ARAP2: variants seen among roughly 807,000 people sequenced by gnomAD.
ARAP2 encodes the protein ArfGAP with RhoGAP domain, ankyrin repeat and PH domain 2.
ARAP2 carries 148 observed loss-of-function variants against 194.5 expected under a neutral mutation model. The ratio of observed to expected loss-of-function variants is 0.76; its 90% CI spans 0.67 to 0.87. The LOEUF (loss-of-function observed/expected upper bound fraction) is 0.87, where lower values mean the gene tolerates loss of function less well. Among genes scored for constraint, ARAP2 ranks in the 40% least tolerant of loss-of-function variants. The pLI is 0.00. For synonymous variants in ARAP2, 695 were observed against 683.5 expected, an observed-to-expected ratio of 1.02 and a Z score of -0.26; for missense variants, 2,128 against 1,989.7, an observed-to-expected ratio of 1.07 and a Z score of -1.32.
Position 36,066,568 on chromosome 4 carries a change from G to A in ARAP2, c.*1339C>T, listed in dbSNP as rs1281995388. ...ATAGATTGAAAAATAAAAAAGAAATGCTAAAAAAAAAAAACTTAGCTACAT... is the reference window on the plus strand; with the variant it reads ...ATAGATTGAAAAATAAAAAAGAAATACTAAAAAAAAAAAACTTAGCTACAT... On this transcript the variant is annotated 3_prime_UTR_variant, in exon 33 of 33. Transcript: ENST00000303965. The A allele has an allele frequency of 2.0e-5, 3 of 149,784 alleles. No individual in the cohort carries two copies. Among genetic ancestry groups the A allele is most frequent in the Non-Finnish European group, 4.4e-5 (3 of 67,548 alleles). 9.3% of individuals were successfully genotyped at this position (149,784 alleles called of 1,614,324 possible).
At chr4:36,129,555 C>A (rs1724889708) in intron 20 of ARAP2, among the ~76,000 whole-genome samples, 2 of 151,826 alleles carry the variant, frequency 1.3e-5, no homozygotes, top group African/African-American at 2.4e-5. Context: ...CTGAACGAAT[C>A]CCTGTAAATT....
At chr4:36,152,147 T>C (rs559960350) in intron 15 of ARAP2, among the ~76,000 whole-genome samples, 1 of 152,268 alleles carries the variant, frequency 6.6e-6, no homozygotes, top group African/African-American at 2.4e-5. Flanking sequence ...GACACAGTAT[T>C]CTGAAAATGA....
At chr4:36,230,645 A>G (rs935785483) in intron 1 of ARAP2, among the ~76,000 whole-genome samples, 5 of 152,258 alleles carry the variant, frequency 3.3e-5, no homozygotes, top group African/African-American at 1.2e-4. Context: ...ATGAAAATGC[A>G]TATGTGCAAC....
intron 5 of ARAP2, among the ~76,000 whole-genome samples, chr4:36,043,794 A>AGAAGGGAAGGGAAGG (rs1229545018): frequency 0.045 from 1,198 of 26,886 alleles, 208 homozygotes; most frequent in African/African-American, 0.11. Flanking sequence ...AGAAGAGAAG[A>AGAAGGGAAGGGAAGG]GAAGGGAAGG....
rs1232503521 is a variant in ARAP2 at position 36,121,328 on chromosome 4, T to C, written c.3747-2A>G. On this transcript the variant is annotated splice_acceptor_variant, in intron 22 of 32. Coordinates refer to ENST00000303965, the MANE Select transcript of ARAP2 (RefSeq NM_015230.4). LOFTEE classifies it high-confidence loss of function. ...TTGATTTCTGAGCATTTCTGAACCCTGTCAGAGAAAAGCATAGTTTATTAT... is the reference window on the plus strand; with the variant it reads ...TTGATTTCTGAGCATTTCTGAACCCCGTCAGAGAAAAGCATAGTTTATTAT... 1 of 1,580,394 alleles carries C rather than the reference T, an allele frequency of 6.3e-7. No homozygotes were observed. The highest frequency in any genetic ancestry group is 8.6e-7 in the Non-Finnish European group (1 of 1,162,984).
intron 15 of ARAP2, among the ~76,000 whole-genome samples, chr4:36,158,435 G>A (rs982885289): frequency 6.6e-6 from 1 of 152,128 alleles, no homozygotes; most frequent in Non-Finnish European, 1.5e-5. Flanking sequence ...CATCCCTAAG[G>A]AAAGGGGCTG....
chr4:36,071,702 C>T (rs6848980), intron 32 of ARAP2, among the ~76,000 whole-genome samples: 4,898 of 108,592 alleles, frequency 0.045, 261 homozygotes, highest in African/African-American at 0.15. Context: ...AATTTTTTTT[C>T]TTTTTTTTTT....
intron 28 of ARAP2, among the ~76,000 whole-genome samples, chr4:36,091,368 T>C (rs181129206): frequency 6.6e-6 from 1 of 152,254 alleles, no homozygotes; most frequent in Admixed American, 6.5e-5. Flanking sequence ...CACTCCACAA[T>C]TATTTAATAA....
At chr4:36,142,922 C>A (rs1189288175) in intron 19 of ARAP2, among the ~76,000 whole-genome samples, 2 of 151,686 alleles carry the variant, frequency 1.3e-5, no homozygotes, top group Admixed American at 6.6e-5. Context: ...AACTTTCTCC[C>A]ATCAATTTAT....
At chr4:36,122,507 C>T (rs974974209) in intron 22 of ARAP2, among the ~76,000 whole-genome samples, 1 of 151,782 alleles carries the variant, frequency 6.6e-6, no homozygotes, top group African/African-American at 2.4e-5. Flanking sequence ...AGCAAACTAA[C>T]ACAGGAACAG....
chr4:36,163,780 A>G (rs996553931), intron 11 of ARAP2, among the ~76,000 whole-genome samples: 5 of 152,216 alleles, frequency 3.3e-5, no homozygotes, highest in Non-Finnish European at 1.5e-5. Context: ...GGTAGAAAAA[A>G]ACAGCTGTGA....
Position 36,159,505 on chromosome 4 carries a change from C to A in ARAP2, c.2443G>T (p.Ala815Ser), listed in dbSNP as rs1316640251. 2.0e-6 allele frequency: 3 copies of A among 1,511,752 alleles called. No homozygotes were observed. The highest frequency in any genetic ancestry group is 1.3e-5 in the South Asian group (1 of 75,796). 93.6% of individuals were successfully genotyped at this position (1,511,752 alleles called of 1,614,324 possible). The change falls in exon 14 of 33, where the codon GCT becomes TCT. Residue 815 changes from alanine to serine, a missense_variant and splice_region_variant. Transcript: ENST00000303965. ...GGTTTCACTACAGCAGCACATAGAG[C>A]CTGGTCATTAAAAGAAAATATACAT... ...ASLTKEELNK[A>S]LCAAVVKPDV...
chr4:36,019,938 C>G (rs535395870), intron 5 of ARAP2, among the ~76,000 whole-genome samples: 59 of 152,222 alleles, frequency 3.9e-4, no homozygotes, highest in African/African-American at 1.4e-3. Flanking sequence ...GTGCTGAACC[C>G]TATATATACT....
intron 19 of ARAP2, among the ~76,000 whole-genome samples, chr4:36,135,520 G>A (rs1254185866): frequency 1.3e-5 from 2 of 151,692 alleles, no homozygotes; most frequent in Non-Finnish European, 2.9e-5. Context: ...CACTACAGCA[G>A]TCCTGACCTC....
chr4:36,171,651 C>T (rs1041339016), intron 9 of ARAP2, among the ~76,000 whole-genome samples: 3 of 151,484 alleles, frequency 2.0e-5, no homozygotes, highest in African/African-American at 7.3e-5. Flanking sequence ...GTACATGTAC[C>T]CTAAAACTTA....
chr4:36,153,493 A>G (rs1389625344), intron 15 of ARAP2, among the ~76,000 whole-genome samples: 1 of 152,202 alleles, frequency 6.6e-6, no homozygotes, highest in African/African-American at 2.4e-5. Flanking sequence ...AATGACACTC[A>G]GGACTTAGCT....
intron 1 of ARAP2, among the ~76,000 whole-genome samples, chr4:36,059,328 G>A (rs1243812411): frequency 1.3e-5 from 2 of 152,092 alleles, no homozygotes; most frequent in Admixed American, 1.3e-4. Flanking sequence ...AGGGAGACAA[G>A]TTGAGAATCT....
At position 36,068,134 on chromosome 4, in the gene ARAP2, G is replaced by A; in HGVS notation, c.4888C>T (p.His1630Tyr). Residue 1630 changes from histidine (H) to tyrosine (Y), a missense_variant, in exon 33 of 33, where the codon CAT (histidine) becomes TAT (tyrosine). Coordinates refer to ENST00000303965, the MANE Select transcript of ARAP2 (RefSeq NM_015230.4). ...TCCTCCAGGCAGTTGAAACTCCGAT[G>A]TTTTCGGGGTCGATTTCGAAGTTTA... is the stretch of plus-strand genomic sequence containing the variant. ...DDKLRNRPRK[H>Y]RSFNCLEDTE... The A allele has an allele frequency of 1.9e-6, 3 of 1,614,126 alleles. No individual in the cohort carries two copies. Among genetic ancestry groups the A allele is most frequent in the Non-Finnish European group, 2.5e-6 (3 of 1,179,984 alleles).
At chr4:36,111,474 C>T (rs888330539) in intron 26 of ARAP2, among the ~76,000 whole-genome samples, 5 of 151,922 alleles carry the variant, frequency 3.3e-5, no homozygotes, top group Non-Finnish European at 2.9e-5. Context: ...TAAGACCATG[C>T]CAAATTTGAA....
Sources: gnomAD v4.1 joint callset for allele counts (sites outside exome capture counted in the v4.1 genomes callset) on GRCh38, gnomAD v4.1.1 for gene constraint, MANE v1.5 for transcripts, NCBI Gene and HGNC (gene_info 2026-07-23, HGNC 2026-07-21) for gene names.